CCDC3: variants seen among roughly 807,000 people sequenced by gnomAD.
The protein encoded by CCDC3 is coiled-coil domain containing 3.
CCDC3 carries 24 observed loss-of-function variants against 21.4 expected under a neutral mutation model. The ratio of observed to expected loss-of-function variants is 1.12; its 90% CI spans 0.81 to 1.58. The LOEUF (loss-of-function observed/expected upper bound fraction) is 1.58, where lower values mean the gene tolerates loss of function less well. Ranked by LOEUF, CCDC3 falls within the 40% of genes most tolerant of loss-of-function variation. The probability of loss-of-function intolerance (pLI) is 0.00; values close to 1 mark genes in which losing one functional copy is unlikely to be tolerated. For synonymous variants in CCDC3, 186 were observed against 166.0 expected, an observed-to-expected ratio of 1.12 and a Z score of -0.93; for missense variants, 425 against 360.9, an observed-to-expected ratio of 1.18 and a Z score of -1.44.
chr10:13,053,620 G>C (rs1269197019), intron 4 of CCDC3, among the ~76,000 whole-genome samples: 1 of 152,154 alleles, frequency 6.6e-6, no homozygotes, highest in African/African-American at 2.4e-5. Flanking sequence ...GAAAACCAGA[G>C]GTGATACAAA....
At chr10:13,028,511 G>C (rs1368337150) in intron 5 of CCDC3, among the ~76,000 whole-genome samples, 1 of 152,072 alleles carries the variant, frequency 6.6e-6, no homozygotes, top group Non-Finnish European at 1.5e-5. Flanking sequence ...AACTCATTGG[G>C]ATTTTGAGTT....
chr10:13,076,706 C>G (rs925226424), intron 3 of CCDC3, among the ~76,000 whole-genome samples: 1 of 152,184 alleles, frequency 6.6e-6, no homozygotes, highest in African/African-American at 2.4e-5. Flanking sequence ...TGTCCCAGCT[C>G]GCAGCCTATG....
intron 2 of CCDC3, among the ~76,000 whole-genome samples, chr10:12,987,438 T>C (rs1835613442): frequency 6.6e-6 from 1 of 152,176 alleles, no homozygotes; most frequent in South Asian, 2.1e-4. Flanking sequence ...TCCTTATTAG[T>C]ATGTTACCTT....
At chr10:12,987,547 C>T (rs1835615173) in intron 2 of CCDC3, among the ~76,000 whole-genome samples, 1 of 152,176 alleles carries the variant, frequency 6.6e-6, no homozygotes, top group East Asian at 1.9e-4. Flanking sequence ...TCAAGTGACA[C>T]CCAGTTAGAA....
Position 13,001,682 on chromosome 10 carries a change from C to G in CCDC3, c.-112G>C, listed in dbSNP as rs1025915302. The G allele has an allele frequency of 2.9e-6, 2 of 698,476 alleles. No homozygotes were observed. Among genetic ancestry groups the G allele is most frequent in the African/African-American group, 3.9e-5 (2 of 51,904 alleles). 43.3% of individuals were successfully genotyped at this position (698,476 alleles called of 1,614,324 possible). ...GCTCGGGCCGCTCCCGGGAGCTGAG[C>G]GCACCGCTGTCTCCGCCACGGGGCT... On this transcript the variant is annotated 5_prime_UTR_variant, in exon 1 of 3. Coordinates refer to ENST00000378825, the MANE Select transcript of CCDC3 (RefSeq NM_031455.4).
chr10:13,029,308 C>T (rs1454343336), intron 5 of CCDC3, among the ~76,000 whole-genome samples: 1 of 152,156 alleles, frequency 6.6e-6, no homozygotes, highest in Non-Finnish European at 1.5e-5. Context: ...ATAGAAAGGA[C>T]ATGCACACCA....
At chr10:13,076,561 G>A (rs556983361) in intron 3 of CCDC3, among the ~76,000 whole-genome samples, 101 of 152,150 alleles carry the variant, frequency 6.6e-4, no homozygotes, top group Non-Finnish European at 1.2e-3. Context: ...CTTCCTTCAA[G>A]CCTCCTTGCT....
chr10:12,969,936 A>C (rs907729451), intron 2 of CCDC3, among the ~76,000 whole-genome samples: 1 of 152,138 alleles, frequency 6.6e-6, no homozygotes, highest in Non-Finnish European at 1.5e-5. Flanking sequence ...ATAAGACAGA[A>C]AAATAAAATA....
intron 5 of CCDC3, among the ~76,000 whole-genome samples, chr10:13,040,747 A>G (rs1028215403): frequency 6.6e-6 from 1 of 150,886 alleles, no homozygotes; most frequent in African/African-American, 2.5e-5. Flanking sequence ...GCTGGAGCCA[A>G]CCAATGAGGA....
chr10:13,072,314 GC>G, intron 4 of CCDC3, among the ~76,000 whole-genome samples: 1 of 152,256 alleles, frequency 6.6e-6, no homozygotes, highest in South Asian at 2.1e-4. Flanking sequence ...CCAAAACAGT[GC>G]CCCCTGTTAG....
At chr10:12,987,718 A>C (rs1311257594) in intron 2 of CCDC3, among the ~76,000 whole-genome samples, 1 of 152,228 alleles carries the variant, frequency 6.6e-6, no homozygotes, top group Non-Finnish European at 1.5e-5. Context: ...ACAAAGCATG[A>C]CATTGGCCAA....
At chr10:13,060,455 T>C (rs1017172526) in intron 4 of CCDC3, among the ~76,000 whole-genome samples, 1 of 152,096 alleles carries the variant, frequency 6.6e-6, no homozygotes, top group African/African-American at 2.4e-5. Flanking sequence ...GTGGGAGGGA[T>C]ATCAGGAGTA....
At chr10:12,927,717 G>A (rs1030029787) in intron 2 of CCDC3, among the ~76,000 whole-genome samples, 3 of 152,132 alleles carry the variant, frequency 2.0e-5, no homozygotes, top group African/African-American at 7.2e-5. Context: ...CACGCTAAAG[G>A]GATTGCATCT....
chr10:13,036,153 C>G (rs1836375337), intron 5 of CCDC3, among the ~76,000 whole-genome samples: 1 of 150,830 alleles, frequency 6.6e-6, no homozygotes, highest in Non-Finnish European at 1.5e-5. Context: ...AAAAAACAAA[C>G]AAACAAACAA....
intron 2 of CCDC3, among the ~76,000 whole-genome samples, chr10:12,992,024 T>G (rs999445188): frequency 6.6e-6 from 1 of 151,676 alleles, no homozygotes; most frequent in African/African-American, 2.4e-5. Flanking sequence ...CACAGTGTGT[T>G]GCCATTTGTG....
At chr10:13,054,941 A>G (rs1168117902) in intron 4 of CCDC3, among the ~76,000 whole-genome samples, 1 of 152,320 alleles carries the variant, frequency 6.6e-6, no homozygotes, top group East Asian at 1.9e-4. Context: ...TGCTGGGATT[A>G]CAGGCGTGAG....
intron 2 of CCDC3, among the ~76,000 whole-genome samples, chr10:12,936,496 A>G: frequency 6.6e-6 from 1 of 152,046 alleles, no homozygotes; most frequent in Non-Finnish European, 1.5e-5. Flanking sequence ...AAGTGCTGGG[A>G]TTACAGGGTA....
chr10:12,953,590 A>G (rs921408173), intron 2 of CCDC3, among the ~76,000 whole-genome samples: 11 of 152,226 alleles, frequency 7.2e-5, no homozygotes, highest in Non-Finnish European at 1.3e-4. Flanking sequence ...CACACTGTTT[A>G]AACATGGGCA....
At chr10:13,086,971 A>G (rs1243953636) in intron 3 of CCDC3, among the ~76,000 whole-genome samples, 4 of 152,204 alleles carry the variant, frequency 2.6e-5, no homozygotes. Context: ...GGAAGCCCAC[A>G]CACCTGTTGC....
Sources: allele counts gnomAD v4.1 joint callset (sites outside exome capture counted in the v4.1 genomes callset), GRCh38; gene constraint gnomAD v4.1.1; transcripts MANE v1.5; gene names NCBI Gene and HGNC (gene_info 2026-07-23, HGNC 2026-07-21).